Variants in RALGDS observed in about 807,000 individuals in gnomAD.
The protein encoded by RALGDS is ral guanine nucleotide dissociation stimulator.
RALGDS carries 44 observed loss-of-function variants against 99.8 expected under a neutral mutation model. The observed-to-expected ratio is 0.44, with a 90% CI of 0.35 to 0.57. The LOEUF is 0.57. Ranked by LOEUF, RALGDS falls within the 20% of genes least tolerant of loss-of-function variation. RALGDS has a pLI of 0.01. For missense variants in RALGDS, 1,022 were observed against 1,203.1 expected (o/e 0.85, Z 2.23); for synonymous variants, 529 against 505.0 (o/e 1.05, Z -0.64).
intron 14 of RALGDS, 43 bp downstream of exon 14, chr9:133,102,433 G>T: frequency 6.3e-7 from 1 of 1,583,192 alleles, no homozygotes; most frequent in Non-Finnish European, 8.7e-7. Context: ...AAGCTTCTGA[G>T]CCCCAAGGCA....
chr9:133,105,819 G>T, intron 9 of RALGDS, 113 bp downstream of exon 9: 1 of 162,560 alleles, frequency 6.2e-6, no homozygotes, highest in South Asian at 6.2e-5. Context: ...ACCGCCCGCC[G>T]CCCCAGCCCC....
chr9:133,120,875 G>T, intron 1 of RALGDS, 97 bp downstream of exon 1: 3 of 1,290,128 alleles, frequency 2.3e-6, no homozygotes, highest in African/African-American at 1.6e-5. Context: ...CGCTGGGATC[G>T]CCCGGCCCCG....
upstream of RALGDS, among the ~76,000 whole-genome samples, chr9:133,124,264 GCA>G (rs1832079353): frequency 6.8e-6 from 1 of 147,340 alleles, no homozygotes; most frequent in African/African-American, 2.5e-5. Flanking sequence ...AGACACAGAC[GCA>G]CAGAGACAGA....
intron 1 of RALGDS, chr9:133,130,938 A>T (rs992684258): frequency 6.5e-7 from 1 of 1,531,038 alleles, no homozygotes; most frequent in Non-Finnish European, 8.8e-7. Flanking sequence ...CAAGAGTCTC[A>T]GCTACTTCCT....
chr9:133,129,489 A>G (rs1832268733), intron 1 of RALGDS: 1 of 1,363,362 alleles, frequency 7.3e-7, no homozygotes, highest in African/African-American at 1.5e-5. Context: ...TCCCGCTTGT[A>G]CCAGGCCATG....
intron 16 of RALGDS, 61 bp from the exon 17 acceptor site, chr9:133,100,443 G>A (rs561110054): frequency 3.1e-6 from 5 of 1,608,602 alleles, no homozygotes; most frequent in Admixed American, 3.3e-5. Flanking sequence ...CCCCCAGAGT[G>A]CAGTGGCCAA....
intron 1 of RALGDS, among the ~76,000 whole-genome samples, chr9:133,115,340 G>A (rs1458335914): frequency 6.6e-6 from 1 of 152,192 alleles, no homozygotes; most frequent in Non-Finnish European, 1.5e-5. Context: ...GAGGGCTCTA[G>A]CCTGCACCTC....
chr9:133,130,927 C>G, intron 1 of RALGDS: 1 of 1,524,618 alleles, frequency 6.6e-7, no homozygotes, highest in Non-Finnish European at 8.8e-7. Context: ...AAGTCAGAGG[C>G]CAAGAGTCTC....
rs759508164 is a variant in RALGDS at position 133,112,091 on chromosome 9, C to A, written c.245G>T (p.Arg82Leu). 1.3e-6 allele frequency: 2 copies of A among 1,586,520 alleles called. No individual in the cohort carries two copies. Among genetic ancestry groups the A allele is most frequent in the Non-Finnish European group, 1.7e-6 (2 of 1,165,530 alleles). ...GCCTCCGTGGTGCAGCTGCACCTTG[C>A]GCAGGGAGATGGAGTAGATGACTCC... is the stretch of plus-strand genomic sequence containing the variant. Reference protein sequence around the residue: ...INGVIYSISLRKVQLHHGGNK... With the variant: ...INGVIYSISLLKVQLHHGGNK... The change falls in exon 2 of 18, where the codon CGC (arginine) becomes CTC (leucine). Residue 82 changes from arginine (R) to leucine (L), a missense_variant. Coordinates refer to ENST00000372050, the MANE Select transcript of RALGDS (RefSeq NM_006266.4).
intron 1 of RALGDS, among the ~76,000 whole-genome samples, chr9:133,130,008 T>C (rs1832285720): frequency 6.6e-6 from 1 of 151,722 alleles, no homozygotes. Context: ...CGTCTCACTC[T>C]GTCACCCAGG....
rs796539978 is a variant in RALGDS, at chr9:133,107,428, A to G, written c.1198-128T>C. ...TATCCCGTGTCCATGCAGGGTGCCC[A>G]GCACACAAGTGACCCGGGACAGAAC... On this transcript the variant is annotated intron_variant, in intron 6 of 17. Transcript: ENST00000372050. The G allele has an allele frequency of 6.9e-5, 59 of 860,094 alleles. 1 individual carries two copies. The African/African-American group carries it at 8.5e-4, about 12-fold the overall frequency. The allele number at this position is 860,094 out of a possible 1,614,324, so 53.3% of individuals were successfully genotyped here. A position where few individuals can be genotyped will look rare whatever the true frequency, so the allele number is the denominator to read the frequency against.
chr9:133,114,139 C>G (rs1042166152), intron 1 of RALGDS, among the ~76,000 whole-genome samples: 1 of 152,180 alleles, frequency 6.6e-6, no homozygotes, highest in Non-Finnish European at 1.5e-5. Context: ...CCCCCACCCC[C>G]GGGGGGCCCT....
At position 133,136,957 on chromosome 9, in the gene RALGDS, G is replaced by A. The variant is rs1832437186; in HGVS notation, c.18+12006C>T. ...TCGTCTCAAAAAACGAAACAAGGCTGGGCGTGGTGGCTTACGCCTGTAATC... is the reference window on the plus strand; with the variant it reads ...TCGTCTCAAAAAACGAAACAAGGCTAGGCGTGGTGGCTTACGCCTGTAATC... On this transcript the variant is annotated intron_variant, in intron 1 of 17. Coordinates refer to the RALGDS transcript ENST00000393160. Among the ~76,000 whole-genome samples, 3 of 150,592 alleles carry A rather than the reference G, an allele frequency of 2.0e-5. No individual in the cohort carries two copies. In the South Asian group the frequency reaches 6.3e-4, roughly 32 times the overall value.
upstream of RALGDS, among the ~76,000 whole-genome samples, chr9:133,134,766 A>G (rs543982733): frequency 6.6e-6 from 1 of 152,314 alleles, no homozygotes; most frequent in South Asian, 2.1e-4. Context: ...ACCAGAGTCA[A>G]CAACCCTCTG....
upstream of RALGDS, among the ~76,000 whole-genome samples, chr9:133,121,453 G>A (rs1355140556): frequency 1.3e-5 from 2 of 152,180 alleles, no homozygotes; most frequent in Admixed American, 6.5e-5. Context: ...GGGAGGTCGA[G>A]GGGTGCGCGT....
chr9:133,131,044 G>C (rs1452624461), exon 1 of RALGDS: 6 of 1,532,006 alleles, frequency 3.9e-6, no homozygotes. Context: ...GGGGAGGAGA[G>C]GGTGTGGGCA....
At chr9:133,100,884 G>A in intron 16 of RALGDS, 1 of 1,052,822 alleles carries the variant, frequency 9.5e-7, no homozygotes, top group Non-Finnish European at 1.1e-6. Flanking sequence ...TGACAACCAT[G>A]CTAGCTCCTG....
chr9:133,140,280 A>AC (rs1291221850), intron 1 of RALGDS, among the ~76,000 whole-genome samples: 4 of 135,314 alleles, frequency 3.0e-5, no homozygotes, highest in South Asian at 5.5e-4. Flanking sequence ...GGCAAAGGGC[A>AC]CCCCCCCACA....
rs1830606867 is a variant in RALGDS, at chr9:133,098,717, G to C, written c.2615C>G (p.Ser872Cys). The C allele has an allele frequency of 1.2e-6, 2 of 1,614,108 alleles. No individual in the cohort carries two copies. Among genetic ancestry groups the C allele is most frequent in the African/African-American group, 2.7e-5 (2 of 75,040 alleles). Residue 872 changes from serine (S) to cysteine (C), a missense_variant, in exon 18 of 18, where the codon TCT becomes TGT. Physicochemically the swap from Ser to Cys is moderately radical, Grantham distance 112. Transcript: ENST00000372050. Reference sequence around the variant, plus strand: ...GAGGACAAAGTCATAGTTGGCGGTAGAGTTCATGGCATAGAAGACGTTGGC... The same window carrying C: ...GAGGACAAAGTCATAGTTGGCGGTACAGTTCATGGCATAGAAGACGTTGGC... ...ENANVFYAMN[S>C]TANYDFVLKK...
Sources: allele counts gnomAD v4.1 joint callset (sites outside exome capture counted in the v4.1 genomes callset), GRCh38; gene constraint gnomAD v4.1.1; transcripts MANE v1.5; gene names NCBI Gene and HGNC (gene_info 2026-07-23, HGNC 2026-07-21).